The following ACLY variants were observed in gnomAD, a reference collection of about 807,000 sequenced individuals.
ACLY encodes ATP citrate lyase.
A neutral mutation model predicts 133.0 loss-of-function variants in ACLY; 41 were observed. That is an observed-to-expected ratio of 0.31 (90% CI 0.24 to 0.40). The LOEUF is 0.40. Ranked by LOEUF, ACLY falls within the 10% of genes least tolerant of loss-of-function variation. ACLY has a pLI of 1.00. For missense variants in ACLY, 1,046 were observed against 1,453.8 expected (o/e 0.72, Z 4.56); for synonymous variants, 495 against 549.3 (o/e 0.90, Z 1.38).
rs782778188 is a variant in ACLY, at chr17:41,869,515, G to C, written c.3010C>G (p.Leu1004Val). 3.1e-6 allele frequency: 5 copies of C among 1,614,134 alleles called. No homozygotes were observed. Among genetic ancestry groups the C allele is most frequent in the Non-Finnish European group, 4.2e-6 (5 of 1,180,028 alleles). Residue 1004 changes from leucine to valine, a missense_variant, in exon 26 of 29, where the codon CTC (leucine) becomes GTC (valine). By Grantham distance (32) the Leu-to-Val change is conservative (BLOSUM62 1). Coordinates refer to ENST00000352035, the MANE Select transcript of ACLY (RefSeq NM_001096.3). ...VRQHFPATPL[L>V]DYALEVEKIT... ...TTCTCTACTTCCAGTGCATAATCGA[G>C]CAGAGGAGTGGCAGGGAAGTGCTGC...
At chr17:41,925,492 T>C (rs1344986496) in intron 1 of ACLY, among the ~76,000 whole-genome samples, 2 of 150,288 alleles carry the variant, frequency 1.3e-5, no homozygotes, top group Non-Finnish European at 3.0e-5. Context: ...GCACCTGTAG[T>C]TCCAGCTACT....
chr17:41,922,085 A>G (rs1326610670), upstream of ACLY, among the ~76,000 whole-genome samples: 1 of 152,128 alleles, frequency 6.6e-6, no homozygotes, highest in Non-Finnish European at 1.5e-5. Flanking sequence ...AATCCCAGTT[A>G]CTCGGGAGGC....
intron 19 of ACLY, among the ~76,000 whole-genome samples, chr17:41,883,545 A>G (rs1242807614): frequency 4.0e-5 from 6 of 151,430 alleles, no homozygotes; most frequent in Non-Finnish European, 2.9e-5. Flanking sequence ...GTTCTATCCA[A>G]AAGTCATCAC....
chr17:41,868,862 C>T, intron 27 of ACLY, 77 bp from the exon 28 acceptor site: 4 of 1,497,836 alleles, frequency 2.7e-6, no homozygotes, highest in East Asian at 2.3e-5. Context: ...CTACTACTGC[C>T]CAAGAATGAG....
At position 41,907,945 on chromosome 17, in the gene ACLY, A is replaced by G. The variant is rs191598088; in HGVS notation, c.617-373T>C. Reference sequence around the variant, plus strand: ...GTTTAAAGGTACATGTTGCTGACAGAAGACCCCCCACCGGTATGCACATCT... The same window carrying G: ...GTTTAAAGGTACATGTTGCTGACAGGAGACCCCCCACCGGTATGCACATCT... On this transcript the variant is annotated intron_variant, in intron 6 of 28. Transcript: ENST00000352035. 7.9e-5 allele frequency among the ~76,000 whole-genome samples: 12 copies of G among 152,238 alleles called. No individual in the cohort carries two copies. In the East Asian group the frequency reaches 1.7e-3, roughly 22 times the overall value.
intron 14 of ACLY, among the ~76,000 whole-genome samples, chr17:41,896,230 G>A (rs1238469898): frequency 2.0e-5 from 3 of 152,206 alleles, no homozygotes; most frequent in Non-Finnish European, 2.9e-5. Context: ...CACCCCAGCA[G>A]TGACAGACGC....
In ACLY at chr17:41,867,673, G is replaced by T. The variant is rs73307729; in HGVS notation, c.*137C>A. ...TGTTAGCCTGTGGATGTTGGTCTTCGGTGCCTGTACCCCAGTGGCTGTTTA... is the reference window on the plus strand; with the variant it reads ...TGTTAGCCTGTGGATGTTGGTCTTCTGTGCCTGTACCCCAGTGGCTGTTTA... On this transcript the variant is annotated 3_prime_UTR_variant, in exon 29 of 29. Coordinates refer to ENST00000352035, the MANE Select transcript of ACLY (RefSeq NM_001096.3). 3.7e-6 allele frequency: 2 copies of T among 541,378 alleles called. No homozygotes were observed. The highest frequency in any genetic ancestry group is 3.4e-5 in the Admixed American group (1 of 29,152). 33.5% of individuals were successfully genotyped at this position (541,378 alleles called of 1,614,324 possible). A position where few individuals can be genotyped will look rare whatever the true frequency, so the allele number is the denominator to read the frequency against.
rs1215451951 is a variant in ACLY at position 41,902,838 on chromosome 17, TTA to T, written c.1066-1027_1066-1026del. Among the ~76,000 whole-genome samples the T allele has an allele frequency of 5.3e-5, 8 of 152,184 alleles. No homozygotes were observed. The East Asian group carries it at 1.5e-3, about 29-fold the overall frequency. On this transcript the variant is annotated intron_variant, in intron 10 of 28. Transcript: ENST00000352035. ...GATGGGGTCTGGCCCCACATTTTATTTATGTTTTGAGACAGGGTCTCATTGTC... is the reference window on the plus strand; with the variant it reads ...GATGGGGTCTGGCCCCACATTTTATTTGTTTTGAGACAGGGTCTCATTGTC...
At chr17:41,919,098 C>A, upstream of ACLY, 1 of 1,193,192 alleles carries the variant, frequency 8.4e-7, no homozygotes, top group Non-Finnish European at 1.1e-6. Flanking sequence ...TCGCTGCTGG[C>A]TTGGCTCCGC....
At chr17:41,912,309 T>C in intron 3 of ACLY, 111 bp downstream of exon 3, 1 of 1,443,930 alleles carries the variant, frequency 6.9e-7, no homozygotes, top group Middle Eastern at 2.4e-4. Flanking sequence ...CTGCCTTCCC[T>C]GAGCTACAAT....
At chr17:41,927,825 CAA>C (rs879961497) in intron 1 of ACLY, among the ~76,000 whole-genome samples, 1 of 126,846 alleles carries the variant, frequency 7.9e-6, no homozygotes. Flanking sequence ...GACTCCATCT[CAA>C]AAAAAAAAAA....
chr17:41,915,049 T>C (rs782539246), intron 1 of ACLY, among the ~76,000 whole-genome samples: 4 of 152,106 alleles, frequency 2.6e-5, no homozygotes, highest in African/African-American at 9.7e-5. Flanking sequence ...ACCCAAACCC[T>C]CTTACACCTA....
chr17:41,869,143 T>A lies in ACLY; in HGVS notation c.3052-18A>T. The A allele has an allele frequency of 1.3e-6, 2 of 1,586,956 alleles. No homozygotes were observed. The highest frequency in any genetic ancestry group is 1.7e-6 in the Non-Finnish European group (2 of 1,160,142). ...TTTGGCTTCTGGGAAGGCAAAAAAA[T>A]TCAAAGCATTTATCATTATTTCTCA... On this transcript the variant is annotated intron_variant, in intron 26 of 28. Transcript: ENST00000352035.
At chr17:41,914,614 C>T (rs1164443912) in intron 1 of ACLY, among the ~76,000 whole-genome samples, 2 of 152,216 alleles carry the variant, frequency 1.3e-5, no homozygotes, top group African/African-American at 2.4e-5. Context: ...GGCAGGGAAA[C>T]CGACCTTTAG....
chr17:41,921,269 G>A (rs1555635391), upstream of ACLY, among the ~76,000 whole-genome samples: 1 of 152,062 alleles, frequency 6.6e-6, no homozygotes, highest in Non-Finnish European at 1.5e-5. Flanking sequence ...TTGCACTCCA[G>A]CCTGGGCCAC....
intron 22 of ACLY, among the ~76,000 whole-genome samples, chr17:41,875,636 G>T (rs1597972819): frequency 6.6e-6 from 1 of 152,224 alleles, no homozygotes; most frequent in African/African-American, 2.4e-5. Context: ...TGGAGACGGG[G>T]TTTCGCTGTG....
chr17:41,871,591 G>A, intron 25 of ACLY, 98 bp downstream of exon 25: 1 of 1,468,112 alleles, frequency 6.8e-7, no homozygotes, highest in Non-Finnish European at 9.4e-7. Flanking sequence ...CCGACCTCAA[G>A]TGATCCACCT....
At chr17:41,893,262 C>T (rs958493511) in intron 14 of ACLY, 88 bp from the exon 15 acceptor site, 68 of 1,430,468 alleles carry the variant, frequency 4.8e-5, no homozygotes, top group East Asian at 3.1e-4. Flanking sequence ...GACCCCTCCA[C>T]GCCCCATGTC....
chr17:41,929,547 G>A (rs1314019344), intron 1 of ACLY, among the ~76,000 whole-genome samples: 1 of 152,038 alleles, frequency 6.6e-6, no homozygotes, highest in Non-Finnish European at 1.5e-5. Flanking sequence ...TCCCTCACAG[G>A]CACACAGAAC....
Sources: gnomAD v4.1 joint callset for allele counts (sites outside exome capture counted in the v4.1 genomes callset) on GRCh38, gnomAD v4.1.1 for gene constraint, MANE v1.5 for transcripts, NCBI Gene and HGNC (gene_info 2026-07-23, HGNC 2026-07-21) for gene names.